LRRC3C: variants seen among roughly 807,000 people sequenced by gnomAD.
LRRC3C encodes leucine-rich repeat-containing protein 3C.
A neutral mutation model predicts 14.8 loss-of-function variants in LRRC3C; 11 were observed. The observed-to-expected ratio is 0.74, with a 90% confidence interval of 0.47 to 1.23. The LOEUF (loss-of-function observed/expected upper bound fraction) is 1.23. LRRC3C is among the 50% of genes most tolerant of loss of function. LRRC3C has a pLI of 0.00. For synonymous variants in LRRC3C, 149 were observed against 161.5 expected (o/e 0.92, Z 0.59); for missense variants, 354 against 361.8 (o/e 0.98, Z 0.18).
In LRRC3C at chr17:39,933,349, C is replaced by T. The variant is rs189577971; in HGVS notation, c.-174-2453C>T. Reference sequence around the variant, plus strand: ...GGGCCTCTGCTTGTGAGACATACACCGTCTTGTGGGCTGAGATAGGTTGAT... The same window carrying T: ...GGGCCTCTGCTTGTGAGACATACACTGTCTTGTGGGCTGAGATAGGTTGAT... On this transcript the variant is annotated intron_variant, in intron 1 of 3. Transcript: ENST00000377924. Among the ~76,000 whole-genome samples the T allele has an allele frequency of 5.9e-5, 9 of 152,066 alleles. No individual in the cohort carries two copies. The East Asian group carries it at 9.7e-4, about 16-fold the overall frequency.
intron 1 of LRRC3C, among the ~76,000 whole-genome samples, chr17:39,932,583 A>G (rs1978680415): frequency 6.8e-6 from 1 of 148,124 alleles, no homozygotes; most frequent in Admixed American, 6.8e-5. Context: ...TTAGCCGGGC[A>G]TGGTGGCATG....
rs1040787991 is a variant in LRRC3C, at chr17:39,941,004, G to A, written c.-81-439G>A. On this transcript the variant is annotated intron_variant, in intron 2 of 3. Transcript: ENST00000377924. ...AGTGATCCACCCACCTCGGCCTCCC[G>A]AAGAGCTAGGATTACAGGCGTGAGC... 6.6e-5 allele frequency among the ~76,000 whole-genome samples: 10 copies of A among 150,862 alleles called. No individual in the cohort carries two copies. In the East Asian group the frequency reaches 1.6e-3, roughly 25 times the overall value.
At chr17:39,943,022 G>A (rs1344149373) in intron 3 of LRRC3C, among the ~76,000 whole-genome samples, 1 of 152,180 alleles carries the variant, frequency 6.6e-6, no homozygotes, top group Non-Finnish European at 1.5e-5. Context: ...CCTGGTGCAG[G>A]GAATGGAATT....
intron 1 of LRRC3C, chr17:39,934,583 C>G (rs1978745912): frequency 6.6e-6 from 1 of 152,238 alleles, no homozygotes; most frequent in Admixed American, 6.5e-5. Flanking sequence ...GACTTGCTCC[C>G]TGTCTCACAT....
At chr17:39,928,526 T>C (rs1398385061) in intron 1 of LRRC3C, among the ~76,000 whole-genome samples, 2 of 152,270 alleles carry the variant, frequency 1.3e-5, no homozygotes, top group Admixed American at 6.5e-5. Flanking sequence ...TTAATATTAC[T>C]GTAGGAGGTT....
chr17:39,943,878 G>T lies in LRRC3C; in HGVS notation c.27-55G>T. The T allele has an allele frequency of 2.7e-6, 4 of 1,508,808 alleles. No homozygotes were observed. In the Admixed American group the frequency reaches 7.9e-5, roughly 30 times the overall value. The allele number at this position is 1,508,808 out of a possible 1,614,324, so 93.5% of individuals were successfully genotyped here. A position where few individuals can be genotyped will look rare whatever the true frequency, so the allele number is the denominator to read the frequency against. On this transcript the variant is annotated intron_variant, in intron 3 of 3. Coordinates refer to ENST00000377924, the MANE Select transcript of LRRC3C (RefSeq NM_001195545.2). ...ACCTCGGGAGGAGAAAGCTGGCAGT[G>T]GGGCATGCGATTCTCTTGACTCACT...
At chr17:39,930,979 T>C (rs1978634680) in intron 1 of LRRC3C, among the ~76,000 whole-genome samples, 1 of 150,442 alleles carries the variant, frequency 6.6e-6, no homozygotes, top group Admixed American at 6.7e-5. Flanking sequence ...CCGCCTCTAC[T>C]AAAAATACAA....
chr17:39,934,248 G>A (rs1305081588), intron 1 of LRRC3C, among the ~76,000 whole-genome samples: 1 of 152,182 alleles, frequency 6.6e-6, no homozygotes, highest in Admixed American at 6.5e-5. Flanking sequence ...CCTTCAACCT[G>A]CATATTCTTT....
chr17:39,928,940 C>T (rs188323371), intron 1 of LRRC3C, among the ~76,000 whole-genome samples: 301 of 152,314 alleles, frequency 2.0e-3, no homozygotes, highest in Admixed American at 4.9e-3. Context: ...TTCAATATTT[C>T]CAGGGCCAAT....
chr17:39,943,981 AG>A lies in LRRC3C; in HGVS notation c.76del (p.Ala26GlnfsTer10). 3 of 1,536,120 alleles carry A rather than the reference AG, an allele frequency of 2.0e-6. No homozygotes were observed. The highest frequency in any genetic ancestry group is 1.7e-6 in the Non-Finnish European group (2 of 1,146,888). ...GCCAATTTATGGCCATGCTCCCAAC[AG>A]CAGGTCACCTCCTGCCCCTCCTGCT... ...LCQFMAMLPT[A>X]GHLLPLLLVI... On this transcript the variant is annotated frameshift_variant, in exon 4 of 4. Transcript: ENST00000377924. LOFTEE classifies it high-confidence loss of function.
chr17:39,940,816 G>A (rs945928192), intron 2 of LRRC3C, among the ~76,000 whole-genome samples: 12 of 151,888 alleles, frequency 7.9e-5, no homozygotes, highest in Non-Finnish European at 1.5e-4. Flanking sequence ...ACCCAGGCTC[G>A]GTGAAACCTC....
intron 3 of LRRC3C, among the ~76,000 whole-genome samples, chr17:39,942,345 G>A (rs778317669): frequency 2.0e-5 from 3 of 152,154 alleles, no homozygotes; most frequent in Non-Finnish European, 4.4e-5. Flanking sequence ...GGAGAGGGTG[G>A]TATCACGGAG....
At position 39,944,297 on chromosome 17, in the gene LRRC3C, C is replaced by T. The variant is rs767082541; in HGVS notation, c.391C>T (p.Arg131Cys). The T allele has an allele frequency of 5.0e-4, 765 of 1,535,220 alleles. No homozygotes were observed. Among genetic ancestry groups the T allele is most frequent in the Non-Finnish European group, 6.2e-4 (708 of 1,146,626 alleles). The change falls in exon 4 of 4, where the codon CGC becomes TGC. Residue 131 changes from arginine (R) to cysteine (C), a missense_variant. Coordinates refer to ENST00000377924, the MANE Select transcript of LRRC3C (RefSeq NM_001195545.2). ...TTTCCAGGGCCTGGAGGGCACATTGCGCCACCTCGACCTCTCTGCCAACCA... is the reference window on the plus strand; with the variant it reads ...TTTCCAGGGCCTGGAGGGCACATTGTGCCACCTCGACCTCTCTGCCAACCA... ...AAFQGLEGTL[R>C]HLDLSANQLA...
intron 1 of LRRC3C, chr17:39,929,061 T>G (rs1320623700): frequency 6.6e-6 from 1 of 152,376 alleles, no homozygotes; most frequent in South Asian, 2.1e-4. Context: ...TTCCTTATAG[T>G]CATCTTTCTG....
At chr17:39,938,562 G>A (rs1417333469) in intron 2 of LRRC3C, among the ~76,000 whole-genome samples, 1 of 151,086 alleles carries the variant, frequency 6.6e-6, no homozygotes, top group Admixed American at 6.6e-5. Context: ...TTGGCTGGTT[G>A]TGGTGGCACA....
intron 3 of LRRC3C, among the ~76,000 whole-genome samples, chr17:39,942,464 G>C (rs1230817151): frequency 6.6e-6 from 1 of 152,162 alleles, no homozygotes; most frequent in Non-Finnish European, 1.5e-5. Flanking sequence ...GCCAACCTGA[G>C]AGTCCAGGGC....
At chr17:39,941,406 C>A (rs1405559106) in intron 2 of LRRC3C, 37 bp from the exon 3 acceptor site, 2 of 589,034 alleles carry the variant, frequency 3.4e-6, no homozygotes, top group South Asian at 2.4e-5. Flanking sequence ...AAACAAGGGA[C>A]CCCCCCACAC....
intron 1 of LRRC3C, among the ~76,000 whole-genome samples, chr17:39,931,897 C>T (rs112191651): frequency 0.027 from 4,109 of 152,194 alleles, 76 homozygotes; most frequent in Non-Finnish European, 0.042. Context: ...GTGATCTGCC[C>T]ACCTTGGCCT....
At chr17:39,931,952 A>AT (rs1460040651) in intron 1 of LRRC3C, among the ~76,000 whole-genome samples, 1 of 152,016 alleles carries the variant, frequency 6.6e-6, no homozygotes, top group Admixed American at 6.6e-5. Context: ...CGCCTGGGCT[A>AT]TTTTCTCTAC....
Sources: allele counts gnomAD v4.1 joint callset (sites outside exome capture counted in the v4.1 genomes callset), GRCh38; gene constraint gnomAD v4.1.1; transcripts MANE v1.5; gene names NCBI Gene and HGNC (gene_info 2026-07-23, HGNC 2026-07-21).